NLGN1: variants seen among roughly 807,000 people sequenced by gnomAD.
The protein encoded by NLGN1 is neuroligin 1.
Under a neutral mutation model 65.5 loss-of-function variants are expected in NLGN1, and 12 were observed. The ratio of observed to expected loss-of-function variants is 0.18; its 90% CI spans 0.12 to 0.30. The LOEUF (loss-of-function observed/expected upper bound fraction) is 0.30. Ranked by LOEUF, NLGN1 falls within the 10% of genes least tolerant of loss-of-function variation. The pLI, the probability that NLGN1 is intolerant of heterozygous loss-of-function variation, is 1.00. For missense variants in NLGN1, 750 were observed against 1,007.1 expected (o/e 0.74, Z 3.46); for synonymous variants, 350 against 359.5 (o/e 0.97, Z 0.30).
At chr3:174,265,542 A>G (rs111972741) in intron 4 of NLGN1, among the ~76,000 whole-genome samples, 5,432 of 150,904 alleles carry the variant, frequency 0.036, 217 homozygotes, top group African/African-American at 0.098. Context: ...TTCGGCTCGC[A>G]CACGGTGCGC....
intron 3 of NLGN1, among the ~76,000 whole-genome samples, chr3:173,691,876 G>A (rs1487572742): frequency 6.6e-6 from 1 of 151,998 alleles, no homozygotes; most frequent in Non-Finnish European, 1.5e-5. Context: ...TTGGCTTATG[G>A]GTGGTGACTG....
At chr3:173,752,053 C>T (rs1469671253) in intron 3 of NLGN1, among the ~76,000 whole-genome samples, 2 of 152,050 alleles carry the variant, frequency 1.3e-5, no homozygotes, top group African/African-American at 4.8e-5. Context: ...GAATTGTGAA[C>T]TCTTTACCAG....
intron 4 of NLGN1, among the ~76,000 whole-genome samples, chr3:174,177,305 A>G (rs1333055307): frequency 1.3e-5 from 2 of 151,964 alleles, no homozygotes; most frequent in East Asian, 1.9e-4. Flanking sequence ...ATTTTTCTCA[A>G]TTTCCTATGC....
intron 4 of NLGN1, among the ~76,000 whole-genome samples, chr3:174,272,290 T>TAAC (rs776636875): frequency 6.6e-6 from 1 of 151,734 alleles, no homozygotes; most frequent in Non-Finnish European, 1.5e-5. Context: ...GTTAAGGACA[T>TAAC]AACAGCTAAG....
Position 173,699,102 on chromosome 3 carries a change from C to T in NLGN1, c.493+94011C>T, listed in dbSNP as rs114115845. ...AATTCCCGACCACAGGTGATCCATC[C>T]ACCTAGGCCTCCCAAAATGCTGGGA... On this transcript the variant is annotated intron_variant, in intron 3 of 6. Transcript: ENST00000457714. Among the ~76,000 whole-genome samples, 675 of 152,238 alleles carry T rather than the reference C, an allele frequency of 4.4e-3. 9 individuals carry two copies. The highest frequency in any genetic ancestry group is 0.016 in the African/African-American group (656 of 41,536).
chr3:174,209,197 T>C (rs1214298840), intron 4 of NLGN1, among the ~76,000 whole-genome samples: 1 of 152,192 alleles, frequency 6.6e-6, no homozygotes, highest in African/African-American at 2.4e-5. Flanking sequence ...GTGCTGGGAT[T>C]ACAAGTGTGA....
chr3:173,668,541 G>C (rs576195595), intron 3 of NLGN1, among the ~76,000 whole-genome samples: 1 of 152,042 alleles, frequency 6.6e-6, no homozygotes, highest in African/African-American at 2.4e-5. Flanking sequence ...TGTGTGAAAG[G>C]CTTGGCCATT....
intron 4 of NLGN1, among the ~76,000 whole-genome samples, chr3:174,205,884 G>A (rs1021629863): frequency 6.6e-6 from 1 of 152,142 alleles, no homozygotes; most frequent in Non-Finnish European, 1.5e-5. Context: ...ATTCTCGTGA[G>A]TATCACTGAA....
exon 7 of NLGN1, chr3:174,282,803 ATG>A (rs1405925895): frequency 6.6e-6 from 1 of 152,096 alleles, no homozygotes; most frequent in Non-Finnish European, 1.5e-5. Context: ...GACTAAAGTT[ATG>A]TGATTTTTTT....
chr3:173,870,573 G>A (rs1730985206), intron 4 of NLGN1, among the ~76,000 whole-genome samples: 1 of 152,170 alleles, frequency 6.6e-6, no homozygotes, highest in Non-Finnish European at 1.5e-5. Flanking sequence ...TCCAGGATGA[G>A]AAATTTATCT....
At chr3:173,956,805 C>T (rs1712179663) in intron 4 of NLGN1, among the ~76,000 whole-genome samples, 4 of 152,132 alleles carry the variant, frequency 2.6e-5, no homozygotes, top group African/African-American at 9.7e-5. Context: ...ATATAATCTT[C>T]CCACTCATGA....
intron 2 of NLGN1, among the ~76,000 whole-genome samples, chr3:173,463,545 T>C (rs542738604): frequency 1.3e-5 from 2 of 152,318 alleles, no homozygotes; most frequent in African/African-American, 4.8e-5. Context: ...AATACTGTTA[T>C]TGTCATTATC....
chr3:173,432,990 T>C (rs990628319), intron 1 of NLGN1, among the ~76,000 whole-genome samples: 15 of 151,936 alleles, frequency 9.9e-5, no homozygotes, highest in African/African-American at 3.6e-4. Context: ...TATTTCTCTA[T>C]CTTTCTATCT....
At chr3:173,985,972 A>C (rs541164354) in intron 4 of NLGN1, among the ~76,000 whole-genome samples, 1 of 152,094 alleles carries the variant, frequency 6.6e-6, no homozygotes, top group Non-Finnish European at 1.5e-5. Flanking sequence ...AATTTAAAAA[A>C]AAGAAAGAAA....
intron 2 of NLGN1, among the ~76,000 whole-genome samples, chr3:173,464,277 G>C (rs1239598780): frequency 6.6e-6 from 1 of 152,102 alleles, no homozygotes; most frequent in Non-Finnish European, 1.5e-5. Context: ...GGAAACTGAT[G>C]TTTAGAGAAA....
intron 1 of NLGN1, among the ~76,000 whole-genome samples, chr3:173,404,727 C>G (rs1004253180): frequency 6.6e-6 from 1 of 152,078 alleles, no homozygotes; most frequent in African/African-American, 2.4e-5. Flanking sequence ...GTTTATTTCA[C>G]AAATCCATTG....
At chr3:173,775,135 TTC>T (rs1460674170) in intron 3 of NLGN1, among the ~76,000 whole-genome samples, 1 of 152,166 alleles carries the variant, frequency 6.6e-6, no homozygotes, top group African/African-American at 2.4e-5. Flanking sequence ...TCAAATATGC[TTC>T]TGTTTTCTGA....
chr3:174,151,509 A>C (rs1324673979), intron 4 of NLGN1, among the ~76,000 whole-genome samples: 1 of 152,128 alleles, frequency 6.6e-6, no homozygotes, highest in African/African-American at 2.4e-5. Context: ...AATTGTCCTG[A>C]GGCCTCTAAA....
intron 4 of NLGN1, among the ~76,000 whole-genome samples, chr3:173,931,124 C>T (rs947687541): frequency 6.6e-6 from 1 of 152,088 alleles, no homozygotes; most frequent in Non-Finnish European, 1.5e-5. Context: ...ACATTCATTG[C>T]TTCTATTAGA....
Sources: allele counts gnomAD v4.1 joint callset (sites outside exome capture counted in the v4.1 genomes callset), GRCh38; gene constraint gnomAD v4.1.1; transcripts MANE v1.5; gene names NCBI Gene and HGNC (gene_info 2026-07-23, HGNC 2026-07-21).